GRIN3A: variants seen among roughly 807,000 people sequenced by gnomAD.
GRIN3A encodes glutamate receptor ionotropic, NMDA 3A.
A neutral mutation model predicts 92.4 loss-of-function variants in GRIN3A; 47 were observed. That is an observed-to-expected ratio of 0.51 (90% CI 0.40 to 0.65). The LOEUF (loss-of-function observed/expected upper bound fraction) is 0.65, where lower values mean the gene tolerates loss of function less well. Ranked by LOEUF, GRIN3A falls within the 30% of genes least tolerant of loss-of-function variation. The pLI is 0.00. For synonymous variants in GRIN3A, 527 were observed against 540.6 expected, an observed-to-expected ratio of 0.97 and a Z score of 0.35; for missense variants, 1,324 against 1,393.1, an observed-to-expected ratio of 0.95 and a Z score of 0.79.
chr9:101,612,495 T>C (rs1828380320), intron 6 of GRIN3A, among the ~76,000 whole-genome samples: 2 of 152,218 alleles, frequency 1.3e-5, no homozygotes, highest in Non-Finnish European at 2.9e-5. Flanking sequence ...GGTGGATACA[T>C]GGCCTGGAGC....
chr9:101,653,135 T>G (rs925114679), intron 3 of GRIN3A, among the ~76,000 whole-genome samples: 3 of 151,970 alleles, frequency 2.0e-5, no homozygotes, highest in African/African-American at 7.2e-5. Flanking sequence ...TATGAATGGT[T>G]ATTAAAACTT....
chr9:101,645,041 A>G (rs999884695), intron 3 of GRIN3A, among the ~76,000 whole-genome samples: 11 of 152,012 alleles, frequency 7.2e-5, no homozygotes, highest in African/African-American at 2.4e-4. Context: ...CTGTTTTGAA[A>G]TATAATATAA....
At chr9:101,724,823 C>T (rs964522846) in intron 1 of GRIN3A, among the ~76,000 whole-genome samples, 1 of 152,216 alleles carries the variant, frequency 6.6e-6, no homozygotes, top group Non-Finnish European at 1.5e-5. Context: ...AACTGTAAGT[C>T]CAATTAAATC....
chr9:101,601,331 T>G (rs894016209), intron 6 of GRIN3A, among the ~76,000 whole-genome samples: 5 of 152,154 alleles, frequency 3.3e-5, no homozygotes, highest in African/African-American at 1.2e-4. Flanking sequence ...AAGAACAACT[T>G]AATCACAATT....
intron 6 of GRIN3A, among the ~76,000 whole-genome samples, chr9:101,582,638 T>A (rs1478721876): frequency 6.6e-6 from 1 of 152,216 alleles, no homozygotes; most frequent in Non-Finnish European, 1.5e-5. Flanking sequence ...CCTATTTTAA[T>A]GTGTACAGGA....
chr9:101,658,276 G>A (rs1588270288), intron 3 of GRIN3A, among the ~76,000 whole-genome samples: 1 of 151,974 alleles, frequency 6.6e-6, no homozygotes, highest in Non-Finnish European at 1.5e-5. Context: ...CTAGACTATA[G>A]CAGGTATGTA....
intron 6 of GRIN3A, chr9:101,595,000 C>A: frequency 2.0e-6 from 3 of 1,524,136 alleles, no homozygotes; most frequent in Non-Finnish European, 2.6e-6. Context: ...GGGCTCGTGC[C>A]CGGACGGTTG....
chr9:101,590,543 A>C (rs1828010310), intron 6 of GRIN3A, among the ~76,000 whole-genome samples: 1 of 151,662 alleles, frequency 6.6e-6, no homozygotes, highest in African/African-American at 2.4e-5. Flanking sequence ...CACCACGCCC[A>C]GCTAATTTTT....
chr9:101,642,933 C>A (rs2118903603), intron 3 of GRIN3A, among the ~76,000 whole-genome samples: 1 of 152,182 alleles, frequency 6.6e-6, no homozygotes. Context: ...GCTCAGGGCT[C>A]CCACTGATTC....
At chr9:101,636,051 G>A (rs958381756) in intron 3 of GRIN3A, among the ~76,000 whole-genome samples, 10 of 152,092 alleles carry the variant, frequency 6.6e-5, no homozygotes, top group Admixed American at 1.3e-4. Flanking sequence ...ATTTTTGTGT[G>A]TGTGTGTTTT....
chr9:101,617,796 CCT>C (rs1828485457), intron 5 of GRIN3A, among the ~76,000 whole-genome samples: 1 of 139,724 alleles, frequency 7.2e-6, no homozygotes, highest in African/African-American at 2.8e-5. Context: ...ATCCCTCCCC[CCT>C]CCCCCAACCC....
chr9:101,662,322 G>T (rs1261572517), intron 3 of GRIN3A, among the ~76,000 whole-genome samples: 1 of 151,560 alleles, frequency 6.6e-6, no homozygotes, highest in East Asian at 2.0e-4. Flanking sequence ...TATAATTATT[G>T]GTATTAAAAT....
At position 101,572,630 on chromosome 9, in the gene GRIN3A, G is replaced by A. The variant is rs779406596; in HGVS notation, c.*544C>T. ...GGTCCAATCAATCCTTGACGTTTAT[G>A]ATACTAATGAGTTAATTTTTAAATA... is the stretch of plus-strand genomic sequence containing the variant. On this transcript the variant is annotated 3_prime_UTR_variant, in exon 9 of 9. Transcript: ENST00000361820. 6.1e-6 allele frequency: 1 copy of A among 164,466 alleles called. No individual in the cohort carries two copies. The highest frequency in any genetic ancestry group is 2.4e-5 in the African/African-American group (1 of 41,560). The allele number at this position is 164,466 out of a possible 1,614,324, so 10.2% of individuals were successfully genotyped here.
At chr9:101,594,448 T>C (rs780043087) in intron 6 of GRIN3A, 1 of 1,613,336 alleles carries the variant, frequency 6.2e-7, no homozygotes, top group South Asian at 1.1e-5. Flanking sequence ...TCTCCAGGTC[T>C]CTGACCACAG....
chr9:101,586,128 C>T (rs1322952501), intron 6 of GRIN3A, among the ~76,000 whole-genome samples: 1 of 152,194 alleles, frequency 6.6e-6, no homozygotes, highest in African/African-American at 2.4e-5. Flanking sequence ...ATGAAGTTTA[C>T]CCTAATCACT....
At position 101,643,631 on chromosome 9, in the gene GRIN3A, T is replaced by C. The variant is rs190557514; in HGVS notation, c.2353-15230A>G. On this transcript the variant is annotated intron_variant, in intron 3 of 8. Coordinates refer to ENST00000361820, the MANE Select transcript of GRIN3A (RefSeq NM_133445.3). ...TTATTACAGCACTATTCACAGTAGCTAAATCATGTAAGCAACCTAAATGTC... is the reference window on the plus strand; with the variant it reads ...TTATTACAGCACTATTCACAGTAGCCAAATCATGTAAGCAACCTAAATGTC... 2.0e-5 allele frequency among the ~76,000 whole-genome samples: 3 copies of C among 150,708 alleles called. No homozygotes were observed. The East Asian group carries it at 5.9e-4, about 30-fold the overall frequency.
Position 101,642,427 on chromosome 9 carries a change from T to C in GRIN3A, c.2353-14026A>G, listed in dbSNP as rs7021205. Among the ~76,000 whole-genome samples, 749 of 152,286 alleles carry C rather than the reference T, an allele frequency of 4.9e-3. 5 individuals are homozygous for C. The highest frequency in any genetic ancestry group is 0.017 in the African/African-American group (686 of 41,572). On this transcript the variant is annotated intron_variant, in intron 3 of 8. Coordinates refer to ENST00000361820, the MANE Select transcript of GRIN3A (RefSeq NM_133445.3). ...TTGACATTGGTGTTGGCAATGACTT[T>C]ATGAATATGACTCTAAAAGCACAGG...
chr9:101,591,428 A>G (rs1828024865), intron 6 of GRIN3A, among the ~76,000 whole-genome samples: 1 of 152,198 alleles, frequency 6.6e-6, no homozygotes, highest in Non-Finnish European at 1.5e-5. Flanking sequence ...AAAGCTCAGG[A>G]TTTGGGGTCA....
chr9:101,624,613 C>G (rs1310616534), intron 4 of GRIN3A, among the ~76,000 whole-genome samples: 1 of 152,062 alleles, frequency 6.6e-6, no homozygotes, highest in Non-Finnish European at 1.5e-5. Flanking sequence ...TTTTCTTAAT[C>G]CAGTCTATCG....
Sources: gnomAD v4.1 joint callset for allele counts (sites outside exome capture counted in the v4.1 genomes callset) on GRCh38, gnomAD v4.1.1 for gene constraint, MANE v1.5 for transcripts, NCBI Gene and HGNC (gene_info 2026-07-23, HGNC 2026-07-21) for gene names.